FYB1: variants seen among roughly 807,000 people sequenced by gnomAD.
FYB1 encodes FYN-binding protein 1.
In FYB1, 41 loss-of-function variants were observed where a neutral mutation model predicts 94.1. That is an observed-to-expected ratio of 0.44 (90% CI 0.34 to 0.57). The LOEUF (loss-of-function observed/expected upper bound fraction) is 0.57, where lower values mean the gene tolerates loss of function less well. FYB1 is among the 20% of genes least tolerant of loss of function. The pLI is 0.02. For missense variants in FYB1, 1,050 were observed against 976.8 expected (o/e 1.07, Z -1.00); for synonymous variants, 367 against 353.2 (o/e 1.04, Z -0.44).
At chr5:39,131,401 T>C (rs542084230) in intron 9 of FYB1, among the ~76,000 whole-genome samples, 1 of 152,170 alleles carries the variant, frequency 6.6e-6, no homozygotes, top group Admixed American at 6.6e-5. Context: ...TACACCTAGC[T>C]GCACTCACTA....
chr5:39,268,399 T>C (rs1301348795), intron 1 of FYB1, among the ~76,000 whole-genome samples: 2 of 151,996 alleles, frequency 1.3e-5, no homozygotes, highest in Admixed American at 1.3e-4. Context: ...GGCTGATTTA[T>C]TTTTTTACTT....
intron 9 of FYB1, 37 bp downstream of exon 9, chr5:39,134,171 C>A: frequency 6.7e-7 from 1 of 1,489,036 alleles, no homozygotes; most frequent in South Asian, 1.3e-5. Flanking sequence ...GACAAGGAGA[C>A]AGTTTGATCT....
intron 4 of FYB1, 71 bp from the exon 5 acceptor site, chr5:39,139,323 A>T: frequency 8.2e-7 from 1 of 1,212,648 alleles, no homozygotes; most frequent in Non-Finnish European, 1.1e-6. Flanking sequence ...ATTATTGGAT[A>T]TGATATAATA....
chr5:39,144,368 G>A (rs1026405967), intron 3 of FYB1, among the ~76,000 whole-genome samples: 8 of 152,078 alleles, frequency 5.3e-5, no homozygotes, highest in African/African-American at 1.9e-4. Flanking sequence ...GAGGAGACAG[G>A]GACATATAGC....
chr5:39,263,263 G>A (rs1267808782), intron 1 of FYB1, among the ~76,000 whole-genome samples: 1 of 151,676 alleles, frequency 6.6e-6, no homozygotes, highest in African/African-American at 2.4e-5. Context: ...CATGCTCTAA[G>A]AAGTGTCTCA....
At chr5:39,141,269 A>G in intron 3 of FYB1, 128 bp from the exon 4 acceptor site, 1 of 683,542 alleles carries the variant, frequency 1.5e-6, no homozygotes, top group Non-Finnish European at 2.5e-6. Flanking sequence ...TTAAAGCTTC[A>G]GACATCACTA....
rs375848059 is a variant in FYB1 at position 39,142,263 on chromosome 5, C to A, written c.1293-1122G>T. 4.9e-4 allele frequency among the ~76,000 whole-genome samples: 75 copies of A among 152,176 alleles called. 2 individuals are homozygous for A. The highest frequency in any genetic ancestry group is 1.7e-3 in the African/African-American group (70 of 41,512). On this transcript the variant is annotated intron_variant, in intron 3 of 18. Coordinates refer to ENST00000512982, the MANE Select transcript of FYB1 (RefSeq NM_001465.6). The stretch of plus-strand genomic sequence containing the variant: ...CTCCATACCTATTAAAAATGTTTAC[C>A]ACTTTCTTCAATGTGTGATTCCTCT...
chr5:39,137,465 A>G, intron 7 of FYB1, 135 bp downstream of exon 7: 1 of 1,024,880 alleles, frequency 9.8e-7, no homozygotes, highest in Non-Finnish European at 1.4e-6. Flanking sequence ...AAGTACTGTT[A>G]TGAAGATAAT....
intron 1 of FYB1, among the ~76,000 whole-genome samples, chr5:39,206,112 G>A (rs1333699909): frequency 6.6e-6 from 1 of 152,120 alleles, no homozygotes; most frequent in Non-Finnish European, 1.5e-5. Context: ...TAACATAATA[G>A]AGTTATGATA....
intron 1 of FYB1, among the ~76,000 whole-genome samples, chr5:39,251,913 G>C (rs2150612695): frequency 1.3e-5 from 2 of 152,264 alleles, no homozygotes; most frequent in South Asian, 4.1e-4. Context: ...GGGAGGCCGA[G>C]GCGGGTGGAT....
At chr5:39,230,811 C>T (rs191565623) in intron 1 of FYB1, among the ~76,000 whole-genome samples, 13 of 151,034 alleles carry the variant, frequency 8.6e-5, no homozygotes. Flanking sequence ...GAATTGCTGA[C>T]TCTGTGAGAA....
chr5:39,150,756 A>G (rs1190415145), intron 3 of FYB1, among the ~76,000 whole-genome samples: 2 of 152,256 alleles, frequency 1.3e-5, no homozygotes, highest in Admixed American at 6.5e-5. Flanking sequence ...GACACTTCTC[A>G]CCACCTCCAC....
chr5:39,209,609 G>A (rs1749176309), intron 1 of FYB1, among the ~76,000 whole-genome samples: 1 of 152,148 alleles, frequency 6.6e-6, no homozygotes, highest in African/African-American at 2.4e-5. Flanking sequence ...GATTACAGGC[G>A]TGAGCCACCG....
chr5:39,204,067 C>A (rs1748618941), intron 1 of FYB1, among the ~76,000 whole-genome samples: 1 of 152,118 alleles, frequency 6.6e-6, no homozygotes, highest in African/African-American at 2.4e-5. Context: ...AACATGCTTT[C>A]CTACCTCTCA....
At chr5:39,197,369 T>C (rs1470772819) in intron 2 of FYB1, among the ~76,000 whole-genome samples, 1 of 152,206 alleles carries the variant, frequency 6.6e-6, no homozygotes, top group Non-Finnish European at 1.5e-5. Context: ...AAATAATTTA[T>C]CTGGAAGCCC....
chr5:39,240,961 T>C (rs1751177871), intron 1 of FYB1, among the ~76,000 whole-genome samples: 1 of 152,004 alleles, frequency 6.6e-6, no homozygotes, highest in African/African-American at 2.4e-5. Context: ...AAAATGTACA[T>C]ATACACCATG....
chr5:39,135,769 T>A (rs1435256761), intron 7 of FYB1, among the ~76,000 whole-genome samples: 1 of 152,158 alleles, frequency 6.6e-6, no homozygotes, highest in Admixed American at 6.5e-5. Flanking sequence ...AAGAAAATAA[T>A]GTAAGTTAAG....
chr5:39,198,791 T>A (rs148097058), intron 2 of FYB1, among the ~76,000 whole-genome samples: 9 of 152,144 alleles, frequency 5.9e-5, no homozygotes, highest in African/African-American at 2.2e-4. Flanking sequence ...TATTTCCAAC[T>A]TAAGAATGTT....
intron 2 of FYB1, among the ~76,000 whole-genome samples, chr5:39,198,082 A>G (rs2150482918): frequency 6.6e-6 from 1 of 152,362 alleles, no homozygotes; most frequent in Middle Eastern, 3.4e-3. Context: ...ATTATAGACA[A>G]TGCTCACTTA....
Sources: allele counts gnomAD v4.1 joint callset (sites outside exome capture counted in the v4.1 genomes callset), GRCh38; gene constraint gnomAD v4.1.1; transcripts MANE v1.5; gene names NCBI Gene and HGNC (gene_info 2026-07-23, HGNC 2026-07-21).